RASSF9: variants seen among roughly 807,000 people sequenced by gnomAD.
RASSF9 encodes the protein ras association domain-containing protein 9.
In RASSF9, 18 loss-of-function variants were observed where a neutral mutation model predicts 21.4. The ratio of observed to expected loss-of-function variants is 0.84; its 90% CI spans 0.58 to 1.25. The LOEUF is 1.25. RASSF9 is among the 50% of genes most tolerant of loss of function. The probability of loss-of-function intolerance (pLI) is 0.00; values close to 1 mark genes in which losing one functional copy is unlikely to be tolerated. For missense variants in RASSF9, 480 were observed against 503.2 expected (o/e 0.95, Z 0.44); for synonymous variants, 183 against 179.1 (o/e 1.02, Z -0.18).
chr12:85,805,597 T>C lies in RASSF9; in HGVS notation c.413A>G (p.Glu138Gly), dbSNP rs1879809672. The change falls in exon 2 of 2, where the codon GAA (glutamate) becomes GGA (glycine). Residue 138 changes from glutamate to glycine, a missense_variant. Transcript: ENST00000361228. ...TAEAKLVQNT[E>G]KLWELSPANY... ...TGCTGGGCTGAGCTCCCACAATTTT[T>C]CTGTGTTTTGCACTAATTTGGCTTC... The C allele has an allele frequency of 1.2e-6, 2 of 1,613,862 alleles. No individual in the cohort carries two copies.
intron 1 of RASSF9, among the ~76,000 whole-genome samples, chr12:85,828,677 T>A (rs1880385964): frequency 6.6e-6 from 1 of 152,156 alleles, no homozygotes; most frequent in East Asian, 1.9e-4. Context: ...TTATGGCTAT[T>A]AATTATAGTT....
intron 1 of RASSF9, among the ~76,000 whole-genome samples, chr12:85,818,336 A>C (rs1880124302): frequency 6.6e-6 from 1 of 152,228 alleles, no homozygotes; most frequent in African/African-American, 2.4e-5. Context: ...TGCTACCCTC[A>C]GCTAATAAGT....
chr12:85,828,156 A>C (rs1880373487), intron 1 of RASSF9, among the ~76,000 whole-genome samples: 1 of 151,946 alleles, frequency 6.6e-6, no homozygotes, highest in South Asian at 2.1e-4. Flanking sequence ...TCACAATATA[A>C]CTCGATATAA....
At chr12:85,820,184 A>G (rs1880176206) in intron 1 of RASSF9, among the ~76,000 whole-genome samples, 1 of 152,212 alleles carries the variant, frequency 6.6e-6, no homozygotes, top group Non-Finnish European at 1.5e-5. Context: ...TGAAAAACAT[A>G]TGACTCAAAT....
chr12:85,805,546 T>A lies in RASSF9; in HGVS notation c.464A>T (p.Asp155Val). The change falls in exon 2 of 2, where the codon GAT becomes GTT. Residue 155 changes from aspartate to valine, a missense_variant. Asp to Val is a radical substitution (Grantham distance 152). Coordinates refer to ENST00000361228, the MANE Select transcript of RASSF9 (RefSeq NM_005447.4). ...TTTCCTGACTATTCTTTTTTGTTTATCTGGTGGTAAAGTCTTCATGTAGTT... is the reference window on the plus strand; with the variant it reads ...TTTCCTGACTATTCTTTTTTGTTTAACTGGTGGTAAAGTCTTCATGTAGTT... Reference protein sequence around the residue: ...PANYMKTLPPDKQKRIVRKTF... With the variant: ...PANYMKTLPPVKQKRIVRKTF... 6.2e-7 allele frequency: 1 copy of A among 1,613,938 alleles called. No individual in the cohort carries two copies. Among genetic ancestry groups the A allele is most frequent in the Non-Finnish European group, 8.5e-7 (1 of 1,179,888 alleles).
chr12:85,807,824 T>C (rs946527761), intron 1 of RASSF9, among the ~76,000 whole-genome samples: 2 of 152,130 alleles, frequency 1.3e-5, no homozygotes, highest in Non-Finnish European at 2.9e-5. Flanking sequence ...ATTGGAACAT[T>C]TTTAAGATCA....
Position 85,801,262 on chromosome 12 carries a change from G to A in RASSF9, c.*3440C>T, listed in dbSNP as rs2136546391. 6.6e-6 allele frequency: 1 copy of A among 152,094 alleles called. No individual in the cohort carries two copies. The highest frequency in any genetic ancestry group is 1.5e-5 in the Non-Finnish European group (1 of 68,000). The allele number at this position is 152,094 out of a possible 1,614,324, so 9.4% of individuals were successfully genotyped here. On this transcript the variant is annotated 3_prime_UTR_variant, in exon 2 of 2. Coordinates refer to ENST00000361228, the MANE Select transcript of RASSF9 (RefSeq NM_005447.4). Reference sequence around the variant, plus strand: ...CATTGATGCCACATTTAAAAAAATCGTAGTAGCATGAAGATTTAATTTTTC... The same window carrying A: ...CATTGATGCCACATTTAAAAAAATCATAGTAGCATGAAGATTTAATTTTTC...
chr12:85,834,002 A>G (rs527401077), intron 1 of RASSF9, among the ~76,000 whole-genome samples: 14 of 152,178 alleles, frequency 9.2e-5, no homozygotes, highest in Non-Finnish European at 1.3e-4. Context: ...AATCTTGCAA[A>G]TAATTTTCAC....
chr12:85,805,277 G>T lies in RASSF9; in HGVS notation c.733C>A (p.Gln245Lys). Residue 245 changes from glutamine to lysine, a missense_variant, in exon 2 of 2, where the codon CAA (glutamine) becomes AAA (lysine). By Grantham distance (53) the Gln-to-Lys change is moderately conservative (BLOSUM62 1). Transcript: ENST00000361228. The part of the protein sequence containing the change: ...YLMPSFSEVE[Q>K]NLDLQYEENQ... Reference sequence around the variant, plus strand: ...TCCTCATACTGCAAGTCTAGATTTTGCTCAACTTCACTGAAACTGGGCATT... The same window carrying T: ...TCCTCATACTGCAAGTCTAGATTTTTCTCAACTTCACTGAAACTGGGCATT... 3 of 1,613,368 alleles carry T rather than the reference G, an allele frequency of 1.9e-6. No individual in the cohort carries two copies. Among genetic ancestry groups the T allele is most frequent in the Non-Finnish European group, 2.5e-6 (3 of 1,179,828 alleles).
intron 1 of RASSF9, among the ~76,000 whole-genome samples, chr12:85,815,721 A>G (rs57366426): frequency 0.38 from 57,215 of 151,444 alleles, 11,667 homozygotes; most frequent in African/African-American, 0.51. Flanking sequence ...CATATGACGC[A>G]TTGGTCGCAT....
At chr12:85,812,156 A>G (rs186763926) in intron 1 of RASSF9, among the ~76,000 whole-genome samples, 13 of 151,918 alleles carry the variant, frequency 8.6e-5, no homozygotes, top group Non-Finnish European at 1.6e-4. Flanking sequence ...ATCATTCAAA[A>G]GATTTTGTTA....
chr12:85,814,659 AT>A (rs77205176), intron 1 of RASSF9, among the ~76,000 whole-genome samples: 10,634 of 148,282 alleles, frequency 0.072, 533 homozygotes, highest in Middle Eastern at 0.19. Flanking sequence ...ATGAATAGAA[AT>A]TTTTTTTTTT....
In RASSF9 at chr12:85,836,399, G is replaced by A; in HGVS notation, c.-198C>T. The A allele has an allele frequency of 8.0e-7, 1 of 1,245,726 alleles. No individual in the cohort carries two copies. Among genetic ancestry groups the A allele is most frequent in the Non-Finnish European group, 1.1e-6 (1 of 920,316 alleles). 77.2% of individuals were successfully genotyped at this position (1,245,726 alleles called of 1,614,324 possible). ...CAACTGCTGCTTAACTTTGAACTGC[G>A]GGATTGTTGTGGCTGCTGCACCTCT... On this transcript the variant is annotated 5_prime_UTR_variant, in exon 1 of 2. Transcript: ENST00000361228.
intron 1 of RASSF9, among the ~76,000 whole-genome samples, chr12:85,818,379 AT>A (rs1244965783): frequency 3.9e-5 from 6 of 152,216 alleles, no homozygotes; most frequent in Admixed American, 3.3e-4. Context: ...ATGAATTATA[AT>A]TGAGTCAGAC....
At chr12:85,822,642 C>T (rs1201587513) in intron 1 of RASSF9, among the ~76,000 whole-genome samples, 1 of 152,102 alleles carries the variant, frequency 6.6e-6, no homozygotes, top group Non-Finnish European at 1.5e-5. Context: ...CTTTATTTTT[C>T]TTCCCTAGGT....
At position 85,805,874 on chromosome 12, in the gene RASSF9, G is replaced by A. The variant is rs750233982; in HGVS notation, c.136C>T (p.Arg46Cys). Residue 46 changes from arginine to cysteine, a missense_variant, in exon 2 of 2, where the codon CGC becomes TGC. Coordinates refer to ENST00000361228, the MANE Select transcript of RASSF9 (RefSeq NM_005447.4). ...EEKLVCGLTK[R>C]TTSADVIQAL... The stretch of plus-strand genomic sequence containing the variant: ...TGGATGACATCAGCAGAGGTGGTGC[G>A]TTTAGTCAGCCCACAGACAAGCTTC... 16 of 1,613,794 alleles carry A rather than the reference G, an allele frequency of 9.9e-6. No individual in the cohort carries two copies. Among genetic ancestry groups the A allele is most frequent in the African/African-American group, 2.7e-5 (2 of 74,896 alleles).
intron 1 of RASSF9, among the ~76,000 whole-genome samples, chr12:85,821,713 T>C (rs544798586): frequency 6.6e-6 from 1 of 152,284 alleles, no homozygotes; most frequent in South Asian, 2.1e-4. Context: ...CTACTAATGC[T>C]ACTTTAATTT....
At chr12:85,835,266 C>A (rs1384682206) in intron 1 of RASSF9, among the ~76,000 whole-genome samples, 1 of 152,086 alleles carries the variant, frequency 6.6e-6, no homozygotes, top group South Asian at 2.1e-4. Flanking sequence ...GGACAATCCC[C>A]TATGCCAAAA....
chr12:85,828,004 A>C (rs1281146375), intron 1 of RASSF9, among the ~76,000 whole-genome samples: 3 of 152,194 alleles, frequency 2.0e-5, no homozygotes, highest in Non-Finnish European at 1.5e-5. Flanking sequence ...GTAAATAAAT[A>C]TTTATTATTC....
Sources: gnomAD v4.1 joint callset for allele counts (sites outside exome capture counted in the v4.1 genomes callset) on GRCh38, gnomAD v4.1.1 for gene constraint, MANE v1.5 for transcripts, NCBI Gene and HGNC (gene_info 2026-07-23, HGNC 2026-07-21) for gene names.